ADAM22: variants seen among roughly 807,000 people sequenced by gnomAD.
The protein encoded by ADAM22 is ADAM metallopeptidase domain 22.
Under a neutral mutation model 144.6 loss-of-function variants are expected in ADAM22, and 65 were observed. The ratio of observed to expected loss-of-function variants is 0.45; its 90% CI spans 0.37 to 0.55. The LOEUF is 0.55. Among genes scored for constraint, ADAM22 ranks in the 20% least tolerant of loss-of-function variants. The pLI is 0.00. For missense variants in ADAM22, 974 were observed against 1,184.9 expected (o/e 0.82, Z 2.61); for synonymous variants, 391 against 412.6 (o/e 0.95, Z 0.63).
intron 4 of ADAM22, among the ~76,000 whole-genome samples, chr7:88,082,841 G>C (rs1181497780): frequency 6.6e-6 from 1 of 152,078 alleles, no homozygotes; most frequent in African/African-American, 2.4e-5. Flanking sequence ...GGAAACAACA[G>C]GTGCTGGAGA....
intron 4 of ADAM22, among the ~76,000 whole-genome samples, chr7:88,081,301 T>TA (rs1156862013): frequency 1.3e-5 from 2 of 152,134 alleles, no homozygotes; most frequent in Non-Finnish European, 2.9e-5. Flanking sequence ...CCCTTCATGC[T>TA]AAAAACTCTC....
At chr7:87,994,406 C>T (rs1790626712) in intron 3 of ADAM22, among the ~76,000 whole-genome samples, 1 of 152,048 alleles carries the variant, frequency 6.6e-6, no homozygotes, top group African/African-American at 2.4e-5. Flanking sequence ...CGTGATCCGC[C>T]CGCCTCGGCC....
chr7:88,137,491 C>G (rs1833289796), intron 14 of ADAM22, among the ~76,000 whole-genome samples: 1 of 152,114 alleles, frequency 6.6e-6, no homozygotes, highest in African/African-American at 2.4e-5. Flanking sequence ...TTCTTAAATA[C>G]TTGCTCACCA....
intron 2 of ADAM22, among the ~76,000 whole-genome samples, chr7:87,942,760 T>A (rs775640793): frequency 8.5e-5 from 13 of 152,196 alleles, no homozygotes; most frequent in Admixed American, 3.9e-4. Context: ...TCTGTTACAC[T>A]CGTTCATCGT....
At chr7:88,036,352 A>T (rs958165750) in intron 3 of ADAM22, among the ~76,000 whole-genome samples, 4 of 152,146 alleles carry the variant, frequency 2.6e-5, no homozygotes, top group African/African-American at 4.8e-5. Context: ...AATTCTTTTG[A>T]TGGAAAAATA....
At chr7:88,139,009 G>A (rs974097308) in intron 14 of ADAM22, among the ~76,000 whole-genome samples, 1 of 152,164 alleles carries the variant, frequency 6.6e-6, no homozygotes, top group Non-Finnish European at 1.5e-5. Context: ...TTACAGAGAG[G>A]CCTCTTTGTA....
At chr7:88,025,389 T>C (rs1379559788) in intron 3 of ADAM22, among the ~76,000 whole-genome samples, 1 of 152,202 alleles carries the variant, frequency 6.6e-6, no homozygotes, top group Non-Finnish European at 1.5e-5. Flanking sequence ...TGTGATCCCA[T>C]TTGTCCATTT....
At chr7:88,051,201 A>G (rs914024157) in intron 3 of ADAM22, among the ~76,000 whole-genome samples, 5 of 152,172 alleles carry the variant, frequency 3.3e-5, no homozygotes, top group South Asian at 2.1e-4. Flanking sequence ...CCATTACTGG[A>G]TATATACCCA....
intron 4 of ADAM22, among the ~76,000 whole-genome samples, chr7:88,107,758 A>AT (rs780127224): frequency 0.033 from 4,749 of 142,630 alleles, 199 homozygotes; most frequent in African/African-American, 0.1. Context: ...GCTAATTTCA[A>AT]TTTTTTTTTT....
chr7:87,937,331 A>AT (rs1468386980), intron 2 of ADAM22, among the ~76,000 whole-genome samples: 6 of 151,210 alleles, frequency 4.0e-5, no homozygotes, highest in Non-Finnish European at 7.4e-5. Flanking sequence ...TCCCCTTGCA[A>AT]TTTTTTCAGT....
At chr7:88,185,528 TTATTGTC>T (rs1378846740) in intron 29 of ADAM22, among the ~76,000 whole-genome samples, 1 of 152,208 alleles carries the variant, frequency 6.6e-6, no homozygotes, top group African/African-American at 2.4e-5. Flanking sequence ...GCTTGAATCT[TTATTGTC>T]TATAGTAGCC....
intron 2 of ADAM22, among the ~76,000 whole-genome samples, chr7:87,964,416 A>C (rs980344853): frequency 6.6e-6 from 1 of 152,226 alleles, no homozygotes; most frequent in Non-Finnish European, 1.5e-5. Flanking sequence ...TTTTCTAGGG[A>C]AAGTTTAATG....
At chr7:87,935,316 T>G (rs900886995) in intron 2 of ADAM22, 130 bp downstream of exon 2, 9 of 1,038,536 alleles carry the variant, frequency 8.7e-6, no homozygotes, top group Non-Finnish European at 1.2e-5. Context: ...ATGCGAGTCA[T>G]GCATGGCGCT....
At position 88,193,155 on chromosome 7, in the gene ADAM22, G is replaced by C; in HGVS notation, c.2790G>C (p.Gly930=). ...SPAKSPSSST[G]SIASSRKYPY... ...CCAAGTCTCCTTCTTCATCAACTGG[G>C]TCTATTGCCTCCAGCAGAAAATACC... Residue 930 remains glycine, a synonymous_variant, in exon 31 of 32, where the codon GGG becomes GGC. Transcript: ENST00000413139. The C allele has an allele frequency of 6.2e-7, 1 of 1,614,040 alleles. No homozygotes were observed. Among genetic ancestry groups the C allele is most frequent in the Non-Finnish European group, 8.5e-7 (1 of 1,179,966 alleles).
intron 3 of ADAM22, among the ~76,000 whole-genome samples, chr7:88,024,025 ATT>A (rs1798425851): frequency 6.6e-6 from 1 of 152,120 alleles, no homozygotes; most frequent in Non-Finnish European, 1.5e-5. Context: ...AAAAAATATC[ATT>A]CTTTTTTATG....
chr7:88,056,146 G>T (rs1445286728), intron 3 of ADAM22, among the ~76,000 whole-genome samples: 6 of 152,000 alleles, frequency 3.9e-5, no homozygotes, highest in Admixed American at 3.9e-4. Flanking sequence ...CATAGTTTTG[G>T]ACTTCTTGGT....
chr7:88,012,217 TTC>T (rs769372023), intron 3 of ADAM22, among the ~76,000 whole-genome samples: 36 of 152,178 alleles, frequency 2.4e-4, no homozygotes, highest in Non-Finnish European at 4.4e-4. Context: ...CTTAGAATTT[TTC>T]TCTCTCTGCT....
intron 8 of ADAM22, among the ~76,000 whole-genome samples, chr7:88,127,019 C>T (rs1830585696): frequency 6.6e-6 from 1 of 151,362 alleles, no homozygotes; most frequent in Admixed American, 6.6e-5. Context: ...CCCATGTGTT[C>T]CATGAATTAC....
At chr7:88,171,146 T>C (rs2129533860) in intron 25 of ADAM22, among the ~76,000 whole-genome samples, 1 of 152,082 alleles carries the variant, frequency 6.6e-6, no homozygotes, top group East Asian at 1.9e-4. Context: ...GAATGAATTA[T>C]AATTTTATTT....
Sources: gnomAD v4.1 joint callset for allele counts (sites outside exome capture counted in the v4.1 genomes callset) on GRCh38, gnomAD v4.1.1 for gene constraint, MANE v1.5 for transcripts, NCBI Gene and HGNC (gene_info 2026-07-23, HGNC 2026-07-21) for gene names.